Variants in SCAF4 observed in about 807,000 individuals in gnomAD.
The protein encoded by SCAF4 is SR-related CTD associated factor 4, also known as SR-related and CTD-associated factor 4.
A neutral mutation model predicts 129.8 loss-of-function variants in SCAF4; 25 were observed. The ratio of observed to expected loss-of-function variants is 0.19; its 90% CI spans 0.14 to 0.27. The LOEUF (loss-of-function observed/expected upper bound fraction) is 0.27. SCAF4 is among the 10% of genes least tolerant of loss of function. SCAF4 has a pLI of 1.00. For synonymous variants in SCAF4, 551 were observed against 497.7 expected (o/e 1.11, Z -1.43); for missense variants, 1,246 against 1,457.1 (o/e 0.86, Z 2.36).
intron 1 of SCAF4, among the ~76,000 whole-genome samples, chr21:31,728,892 C>G (rs977246804): frequency 2.6e-5 from 4 of 152,156 alleles, no homozygotes; most frequent in African/African-American, 9.7e-5. Context: ...CTTTTGATGA[C>G]TTGTGATAAG....
intron 19 of SCAF4, among the ~76,000 whole-genome samples, chr21:31,672,586 TAA>T (rs1248691081): frequency 6.6e-6 from 1 of 152,186 alleles, no homozygotes. Context: ...AACTGGGAAA[TAA>T]AATAGTAATG....
At chr21:31,725,749 T>G (rs983926462) in intron 1 of SCAF4, among the ~76,000 whole-genome samples, 6 of 152,184 alleles carry the variant, frequency 3.9e-5, no homozygotes, top group Non-Finnish European at 8.8e-5. Context: ...AGAGGCTACC[T>G]GATGTGTGTT....
At chr21:31,712,846 AAAAT>A in intron 1 of SCAF4, 1 of 961,214 alleles carries the variant, frequency 1.0e-6, no homozygotes, top group South Asian at 4.8e-5. Context: ...TCCCATTTTT[AAAAT>A]AAACACTGAT....
chr21:31,725,203 T>C (rs1601283005), intron 1 of SCAF4, among the ~76,000 whole-genome samples: 1 of 152,170 alleles, frequency 6.6e-6, no homozygotes, highest in East Asian at 1.9e-4. Flanking sequence ...TTGAACCCTC[T>C]GTCTACATGT....
At chr21:31,701,260 A>T in intron 6 of SCAF4, 89 bp from the exon 7 acceptor site, 1 of 1,202,390 alleles carries the variant, frequency 8.3e-7, no homozygotes. Flanking sequence ...CTTAAAGGTG[A>T]TTCAAAGTAG....
At chr21:31,693,816 A>G (rs2050317353) in intron 11 of SCAF4, among the ~76,000 whole-genome samples, 1 of 152,188 alleles carries the variant, frequency 6.6e-6, no homozygotes, top group African/African-American at 2.4e-5. Context: ...TCTTCTTAGT[A>G]AAGTCTTTTC....
At chr21:31,687,284 C>T (rs1445463904) in intron 16 of SCAF4, among the ~76,000 whole-genome samples, 1 of 152,056 alleles carries the variant, frequency 6.6e-6, no homozygotes, top group African/African-American at 2.4e-5. Flanking sequence ...GCCCTTATGA[C>T]GTGACAAAAA....
chr21:31,708,446 G>A (rs977002868), intron 1 of SCAF4, among the ~76,000 whole-genome samples: 34 of 151,020 alleles, frequency 2.3e-4, no homozygotes, highest in Non-Finnish European at 3.0e-4. Context: ...ATACAAACCA[G>A]TAAGAAACAA....
At chr21:31,705,647 A>G (rs528084553) in intron 2 of SCAF4, among the ~76,000 whole-genome samples, 180 bp from the exon 3 acceptor site, 3 of 152,104 alleles carry the variant, frequency 2.0e-5, no homozygotes, top group Non-Finnish European at 4.4e-5. Context: ...TAAACTAAAA[A>G]CAGAAAACTA....
chr21:31,696,837 C>T (rs2050400335), intron 7 of SCAF4, 87 bp from the exon 8 acceptor site: 3 of 1,135,190 alleles, frequency 2.6e-6, no homozygotes, highest in East Asian at 2.4e-5. Context: ...ATGTTTACCA[C>T]CATCTAGAAA....
intron 1 of SCAF4, among the ~76,000 whole-genome samples, chr21:31,722,773 A>G (rs907161410): frequency 1.3e-5 from 2 of 151,588 alleles, no homozygotes; most frequent in Non-Finnish European, 2.9e-5. Flanking sequence ...GCCAACATTG[A>G]GAAACCCCGT....
In SCAF4 at chr21:31,685,434, G is replaced by A; in HGVS notation, c.2260C>T (p.Pro754Ser). 6.2e-7 allele frequency: 1 copy of A among 1,613,494 alleles called. No individual in the cohort carries two copies. The highest frequency in any genetic ancestry group is 8.5e-7 in the Non-Finnish European group (1 of 1,179,674). The stretch of plus-strand genomic sequence containing the variant: ...CTTATTGGTGGAGTGTGAGGAGGAG[G>A]AATGGATACTGGTGGAGTTATAGGA... Reference protein sequence around the residue: ...PPPITPPVSIPPPHTPPISIP... With the variant: ...PPPITPPVSISPPHTPPISIP... The change falls in exon 18 of 20, where the codon CCT becomes TCT. Residue 754 changes from proline to serine, a missense_variant. By Grantham distance (74) the Pro-to-Ser change is moderately conservative (BLOSUM62 -1). Around this residue, in one of 6 missense-constraint regions of SCAF4, gnomAD observed 468 missense variants for 605.5 expected, o/e 0.77. Coordinates refer to ENST00000286835, the MANE Select transcript of SCAF4 (RefSeq NM_020706.2).
At chr21:31,696,290 A>C in intron 8 of SCAF4, 69 bp from the exon 9 acceptor site, 1 of 1,198,172 alleles carries the variant, frequency 8.3e-7, no homozygotes, top group Non-Finnish European at 1.2e-6. Flanking sequence ...TAAATTACAG[A>C]AACAGAGTGT....
rs761545762 is a variant in SCAF4, at chr21:31,684,833, T to A, written c.2488+216A>T. The stretch of plus-strand genomic sequence containing the variant: ...GACAAACATGATTTTGTCTTTGAGA[T>A]TCTCTCTTGGTAAAGATCAAGTACA... On this transcript the variant is annotated intron_variant, in intron 19 of 19. Transcript: ENST00000286835. 10 of 536,894 alleles carry A rather than the reference T, an allele frequency of 1.9e-5. No homozygotes were observed. The South Asian group carries it at 2.2e-4, about 12-fold the overall frequency. The allele number at this position is 536,894 out of a possible 1,614,324, so 33.3% of individuals were successfully genotyped here.
intron 3 of SCAF4, 50 bp from the exon 4 acceptor site, chr21:31,703,976 C>G: frequency 8.7e-7 from 1 of 1,151,840 alleles, no homozygotes; most frequent in Non-Finnish European, 1.2e-6. Context: ...AAGTCACAAT[C>G]TGACACCCAT....
In SCAF4 at chr21:31,688,352, G is replaced by A. The variant is rs1489161834; in HGVS notation, c.1998C>T (p.Val666=). 1.9e-6 allele frequency: 3 copies of A among 1,612,978 alleles called. No individual in the cohort carries two copies. The highest frequency in any genetic ancestry group is 8.5e-7 in the Non-Finnish European group (1 of 1,179,108). The change falls in exon 16 of 20, where the codon GTC becomes GTT. Residue 666 remains valine (V), a synonymous_variant. Transcript: ENST00000286835. ...SPIPKPLPVP[V]PPIPVPAPIT... is the part of the protein sequence containing the mutation. ...TAGGTGCAGGAACAGGAATAGGAGG[G>A]ACAGGCACAGGTAATGGTTTAGGTA...
At chr21:31,692,575 A>T (rs1377118349) in intron 12 of SCAF4, 126 bp from the exon 13 acceptor site, 2 of 590,726 alleles carry the variant, frequency 3.4e-6, no homozygotes, top group Non-Finnish European at 5.9e-6. Context: ...TTTAAATAGT[A>T]AATCTCACAT....
intron 7 of SCAF4, among the ~76,000 whole-genome samples, 192 bp from the exon 8 acceptor site, chr21:31,696,942 AACAC>A (rs1272733109): frequency 6.6e-6 from 1 of 152,188 alleles, no homozygotes; most frequent in Non-Finnish European, 1.5e-5. Context: ...CAGTTTGGAA[AACAC>A]ACAGTGTTTT....
Position 31,695,999 on chromosome 21 carries a change from A to G in SCAF4, c.1068+114T>C, listed in dbSNP as rs113419951. The G allele has an allele frequency of 3.2e-3, 1,884 of 590,596 alleles. 33 individuals carry two copies. Among genetic ancestry groups the G allele is most frequent in the African/African-American group, 0.031 (1,642 of 52,732 alleles). 36.6% of individuals were successfully genotyped at this position (590,596 alleles called of 1,614,324 possible). On this transcript the variant is annotated intron_variant, in intron 9 of 19. Coordinates refer to ENST00000286835, the MANE Select transcript of SCAF4 (RefSeq NM_020706.2). ...AGTTACGTGTTCAACAGCTTTTATC[A>G]GAGATATAGTACGACTTAGCCAATT...
Sources: allele counts gnomAD v4.1 joint callset (sites outside exome capture counted in the v4.1 genomes callset), GRCh38; gene constraint gnomAD v4.1.1; regional missense constraint gnomAD v4.1.1; transcripts MANE v1.5; gene names NCBI Gene and HGNC (gene_info 2026-07-23, HGNC 2026-07-21).